TSPAN11: variants seen among roughly 807,000 people sequenced by gnomAD.
TSPAN11 encodes tetraspanin-11.
Under a neutral mutation model 32.9 loss-of-function variants are expected in TSPAN11, and 29 were observed. The ratio of observed to expected loss-of-function variants is 0.88; its 90% confidence interval spans 0.66 to 1.20. The LOEUF is 1.20. TSPAN11 is among the 50% of genes most tolerant of loss of function. The pLI is 0.00. For missense variants in TSPAN11, 283 were observed against 329.1 expected, an observed-to-expected ratio of 0.86 and a Z score of 1.08; for synonymous variants, 140 against 141.3, an observed-to-expected ratio of 0.99 and a Z score of 0.07.
At chr12:30,964,558 C>T (rs147431657) in intron 3 of TSPAN11, among the ~76,000 whole-genome samples, 58 of 152,204 alleles carry the variant, frequency 3.8e-4, no homozygotes, top group African/African-American at 1.3e-3. Context: ...ATTACCATCT[C>T]ATAGCCGATC....
At chr12:30,930,696 T>C (rs1937902361) in intron 1 of TSPAN11, among the ~76,000 whole-genome samples, 1 of 152,126 alleles carries the variant, frequency 6.6e-6, no homozygotes, top group Non-Finnish European at 1.5e-5. Context: ...TTGAAAAAGG[T>C]CTTATGGCAA....
intron 2 of TSPAN11, among the ~76,000 whole-genome samples, chr12:30,958,194 T>C (rs2140288363): frequency 6.6e-6 from 1 of 152,218 alleles, no homozygotes; most frequent in African/African-American, 2.4e-5. Flanking sequence ...GCTCTTGTTA[T>C]AGGGGTAGAT....
intron 1 of TSPAN11, among the ~76,000 whole-genome samples, chr12:30,943,535 T>C (rs1938208402): frequency 1.3e-5 from 2 of 152,248 alleles, no homozygotes; most frequent in Non-Finnish European, 1.5e-5. Context: ...CAAAATCTTG[T>C]TGGTAGCTGT....
At chr12:30,931,371 G>A (rs1304201631) in intron 1 of TSPAN11, among the ~76,000 whole-genome samples, 1 of 152,196 alleles carries the variant, frequency 6.6e-6, no homozygotes, top group Non-Finnish European at 1.5e-5. Flanking sequence ...GCAGACTGGT[G>A]TTGTCTGGTT....
intron 1 of TSPAN11, among the ~76,000 whole-genome samples, chr12:30,934,062 G>A (rs755023432): frequency 3.9e-5 from 6 of 152,212 alleles, no homozygotes; most frequent in African/African-American, 7.2e-5. Flanking sequence ...ACTTTGGCCC[G>A]GCTCTCTGGG....
chr12:30,934,676 G>A (rs1938006108), intron 1 of TSPAN11, among the ~76,000 whole-genome samples: 1 of 149,294 alleles, frequency 6.7e-6, no homozygotes, highest in East Asian at 2.0e-4. Flanking sequence ...CTCGTTAGCT[G>A]TCATTAGTGT....
At chr12:30,976,700 ACCT>A (rs1565801166) in intron 3 of TSPAN11, among the ~76,000 whole-genome samples, 1 of 151,974 alleles carries the variant, frequency 6.6e-6, no homozygotes. Flanking sequence ...CCACTTCCTG[ACCT>A]CCTCCCAGGG....
At chr12:31,013,292 G>T in the TSPAN11 span, among the ~76,000 whole-genome samples, 1 of 152,166 alleles carries the variant, frequency 6.6e-6, no homozygotes, top group African/African-American at 2.4e-5. Flanking sequence ...CCAGGGAGAA[G>T]GTGCAGAGAC....
chr12:30,948,067 C>T (rs4564415), intron 1 of TSPAN11, among the ~76,000 whole-genome samples: 55,540 of 151,980 alleles, frequency 0.37, 11,182 homozygotes, highest in East Asian at 0.68. Flanking sequence ...AGTCAAATTT[C>T]AAAGCTCCAA....
In TSPAN11 at chr12:30,963,808, C is replaced by G; in HGVS notation, c.85-18C>G. The G allele has an allele frequency of 4.4e-6, 7 of 1,602,712 alleles. No homozygotes were observed. The highest frequency in any genetic ancestry group is 1.7e-4 in the Middle Eastern group (1 of 5,974). On this transcript the variant is annotated intron_variant, in intron 2 of 7. Transcript: ENST00000546076. ...AGGCCCCCGCCACCCCCTGCTCTAACCCGGTGGTCTCCTGCAGGTCGGGGG... is the reference window on the plus strand; with the variant it reads ...AGGCCCCCGCCACCCCCTGCTCTAAGCCGGTGGTCTCCTGCAGGTCGGGGG...
chr12:30,958,746 C>A (rs1938549544), intron 2 of TSPAN11, among the ~76,000 whole-genome samples: 1 of 152,156 alleles, frequency 6.6e-6, no homozygotes, highest in African/African-American at 2.4e-5. Context: ...TCAGGTCTTT[C>A]AACCCAGTGT....
intron 1 of TSPAN11, among the ~76,000 whole-genome samples, chr12:30,945,751 T>C (rs1470452051): frequency 6.6e-6 from 1 of 152,156 alleles, no homozygotes; most frequent in East Asian, 1.9e-4. Context: ...CATCCGGCCC[T>C]GAAGAAAGTC....
chr12:31,014,944 T>A, the TSPAN11 span, among the ~76,000 whole-genome samples: 1 of 152,238 alleles, frequency 6.6e-6, no homozygotes, highest in Admixed American at 6.5e-5. Context: ...TGATAAATAA[T>A]AGTCTTCCAT....
intron 3 of TSPAN11, among the ~76,000 whole-genome samples, chr12:30,972,328 C>A (rs571301629): frequency 5.9e-5 from 9 of 152,074 alleles, no homozygotes; most frequent in Non-Finnish European, 8.8e-5. Flanking sequence ...TGTACACAGT[C>A]CCAGGGAGCG....
At chr12:30,933,664 A>G (rs1417508443) in intron 1 of TSPAN11, among the ~76,000 whole-genome samples, 1 of 152,270 alleles carries the variant, frequency 6.6e-6, no homozygotes, top group East Asian at 1.9e-4. Context: ...CAGGTCAAGC[A>G]AACAGTGGTT....
intron 3 of TSPAN11, among the ~76,000 whole-genome samples, chr12:30,966,515 T>TTTTCC (rs1938736314): frequency 1.3e-5 from 2 of 152,228 alleles, no homozygotes; most frequent in Non-Finnish European, 2.9e-5. Flanking sequence ...CAAGAGGTCA[T>TTTTCC]ATTCACCCCC....
intron 1 of TSPAN11, among the ~76,000 whole-genome samples, chr12:30,948,275 A>C (rs1041210947): frequency 6.6e-6 from 1 of 152,192 alleles, no homozygotes; most frequent in Admixed American, 6.5e-5. Context: ...TCTGGAGGAC[A>C]GTGGCCCCCT....
intron 6 of TSPAN11, 86 bp downstream of exon 6, chr12:30,982,776 G>A (rs1444747040): frequency 1.4e-6 from 2 of 1,480,388 alleles, no homozygotes; most frequent in African/African-American, 1.4e-5. Flanking sequence ...TCAGGCAGGT[G>A]GGTGTGGGAA....
At chr12:31,009,608 T>C in the TSPAN11 span, among the ~76,000 whole-genome samples, 29 of 152,240 alleles carry the variant, frequency 1.9e-4, no homozygotes, top group African/African-American at 7.0e-4. Context: ...GGTGCGATGA[T>C]ACATGACCTC....
Sources: gnomAD v4.1 joint callset for allele counts (sites outside exome capture counted in the v4.1 genomes callset) on GRCh38, gnomAD v4.1.1 for gene constraint, MANE v1.5 for transcripts, NCBI Gene and HGNC (gene_info 2026-07-23, HGNC 2026-07-21) for gene names.